The following RIC8B variants were observed in gnomAD, a reference collection of about 807,000 sequenced individuals.
RIC8B encodes RIC8 guanine nucleotide exchange factor B.
RIC8B carries 16 observed loss-of-function variants against 57.5 expected under a neutral mutation model. The ratio of observed to expected loss-of-function variants is 0.28; its 90% CI spans 0.19 to 0.42. RIC8B has a LOEUF of 0.42. Ranked by LOEUF, RIC8B falls within the 10% of genes least tolerant of loss-of-function variation. The pLI, the probability that RIC8B is intolerant of heterozygous loss-of-function variation, is 1.00. For missense variants in RIC8B, 481 were observed against 677.0 expected (o/e 0.71, Z 3.21); for synonymous variants, 216 against 250.8 (o/e 0.86, Z 1.31).
At chr12:106,783,603 A>G (rs1048816772) in intron 1 of RIC8B, among the ~76,000 whole-genome samples, 2 of 152,192 alleles carry the variant, frequency 1.3e-5, no homozygotes, top group Admixed American at 6.5e-5. Context: ...CAGTCTCACA[A>G]AGTTGCTTAT....
chr12:106,841,890 A>G (rs1040197353), intron 4 of RIC8B, among the ~76,000 whole-genome samples: 2 of 152,164 alleles, frequency 1.3e-5, no homozygotes, highest in African/African-American at 2.4e-5. Context: ...CCAAAAATAT[A>G]AGGTTTGGGT....
intron 2 of RIC8B, among the ~76,000 whole-genome samples, chr12:106,789,336 C>G (rs1331041592): frequency 6.6e-6 from 1 of 152,160 alleles, no homozygotes; most frequent in Non-Finnish European, 1.5e-5. Context: ...CCAAACTGTT[C>G]CAACCTCTGC....
intron 2 of RIC8B, among the ~76,000 whole-genome samples, chr12:106,812,505 T>C (rs550187767): frequency 2.9e-4 from 44 of 152,068 alleles, no homozygotes; most frequent in Middle Eastern, 3.4e-3. Flanking sequence ...AAGAAAGATA[T>C]TTGTGTGCTT....
intron 2 of RIC8B, among the ~76,000 whole-genome samples, chr12:106,811,522 TCTA>T (rs1231327772): frequency 2.6e-5 from 4 of 152,224 alleles, no homozygotes; most frequent in Admixed American, 6.5e-5. Context: ...TAGAGTCCAC[TCTA>T]GGATTTCAGT....
intron 9 of RIC8B, among the ~76,000 whole-genome samples, chr12:106,872,683 AAAAC>A (rs983534678): frequency 3.3e-5 from 5 of 151,940 alleles, no homozygotes; most frequent in South Asian, 4.2e-4. Flanking sequence ...AAAAAAAAAA[AAAAC>A]AAACCCGACA....
At chr12:106,775,637 G>T (rs943975330) in intron 1 of RIC8B, among the ~76,000 whole-genome samples, 2 of 152,196 alleles carry the variant, frequency 1.3e-5, no homozygotes, top group Non-Finnish European at 2.9e-5. Context: ...ACAACTCTGC[G>T]TAAAAGAGTA....
In RIC8B at chr12:106,814,777, A is replaced by G. The variant is rs758995247; in HGVS notation, c.214A>G (p.Ile72Val). The change falls in exon 3 of 10, where the codon ATT (isoleucine) becomes GTT (valine). Residue 72 changes from isoleucine to valine, a missense_variant. Around this residue, in one of 3 missense-constraint regions of RIC8B, gnomAD observed 421 missense variants for 560.9 expected, o/e 0.75. Coordinates refer to ENST00000392837, the MANE Select transcript of RIC8B (RefSeq NM_001330145.2). ...AGTGTCCTGCCTGGAAGTACTCCGC[A>G]TTCTCTCCAGAGACAAAAAGGTTTT... ...CQVSCLEVLR[I>V]LSRDKKVLVP... is the part of the protein sequence containing the mutation. The G allele has an allele frequency of 3.1e-6, 5 of 1,614,068 alleles. No homozygotes were observed. The highest frequency in any genetic ancestry group is 4.5e-5 in the East Asian group (2 of 44,900).
chr12:106,823,264 A>C, intron 3 of RIC8B: 1 of 272,818 alleles, frequency 3.7e-6, no homozygotes, highest in South Asian at 3.9e-5. Flanking sequence ...CGGAGAAGAT[A>C]CTTTAGCTGA....
In RIC8B at chr12:106,879,260, G is replaced by T; in HGVS notation, c.1572-6644G>T. 2 of 985,644 alleles carry T rather than the reference G, an allele frequency of 2.0e-6. No homozygotes were observed. Among genetic ancestry groups the T allele is most frequent in the African/African-American group, 3.5e-5 (2 of 57,320 alleles). The allele number at this position is 985,644 out of a possible 1,614,324, so 61.1% of individuals were successfully genotyped here. Reference sequence around the variant, plus strand: ...TTGTTTGTATTGCACAAAAACATGTGCTGTGGGCAAGAGTATTCTCTTGCT... The same window carrying T: ...TTGTTTGTATTGCACAAAAACATGTTCTGTGGGCAAGAGTATTCTCTTGCT... On this transcript the variant is annotated intron_variant, in intron 9 of 9. Coordinates refer to ENST00000392837, the MANE Select transcript of RIC8B (RefSeq NM_001330145.2). This position sits in a 1 kb window ranked among gnomAD's most constrained non-coding sequence, Gnocchi z 4.9.
At chr12:106,869,968 T>C (rs1220426622) in intron 8 of RIC8B, among the ~76,000 whole-genome samples, 1 of 151,962 alleles carries the variant, frequency 6.6e-6, no homozygotes, top group African/African-American at 2.4e-5. Flanking sequence ...AAAAACAGTA[T>C]GTACTTGGCT....
chr12:106,795,693 G>T (rs1185692389), intron 2 of RIC8B, among the ~76,000 whole-genome samples: 1 of 152,106 alleles, frequency 6.6e-6, no homozygotes, highest in African/African-American at 2.4e-5. Flanking sequence ...CACAACTGCT[G>T]GCATGTATGT....
intron 4 of RIC8B, among the ~76,000 whole-genome samples, chr12:106,836,738 CTAAGT>C (rs765848421): frequency 1.3e-5 from 2 of 152,190 alleles, no homozygotes; most frequent in African/African-American, 2.4e-5. Flanking sequence ...CCTTTTTAAC[CTAAGT>C]TAAGAGGATC....
intron 2 of RIC8B, 87 bp downstream of exon 2, chr12:106,784,131 A>G: frequency 8.4e-7 from 1 of 1,197,094 alleles, no homozygotes; most frequent in Non-Finnish European, 1.2e-6. Flanking sequence ...TTTTCATCTG[A>G]TGGTTATTGA....
chr12:106,847,946 C>A (rs942362212), intron 6 of RIC8B, among the ~76,000 whole-genome samples: 3 of 152,148 alleles, frequency 2.0e-5, no homozygotes, highest in African/African-American at 7.2e-5. Context: ...ATCTCTGCCC[C>A]AGTGGAACTT....
intron 6 of RIC8B, among the ~76,000 whole-genome samples, chr12:106,849,321 T>TTATTTATC (rs1949354841): frequency 7.5e-6 from 1 of 133,982 alleles, no homozygotes; most frequent in Non-Finnish European, 1.6e-5. Flanking sequence ...ATTTATTTAT[T>TTATTTATC]TATCTATTTT....
In RIC8B at chr12:106,875,857, T is replaced by C. The variant is rs183169902; in HGVS notation, c.1571+4915T>C. 3.9e-5 allele frequency among the ~76,000 whole-genome samples: 6 copies of C among 152,268 alleles called. No individual in the cohort carries two copies. In the East Asian group the frequency reaches 7.7e-4, roughly 20 times the overall value. On this transcript the variant is annotated intron_variant, in intron 9 of 9. Transcript: ENST00000392837. ...TTATAATAAATGCAGGCACCAGATA[T>C]AGGATTAGTTCCCTTTAATCAAAAG...
chr12:106,862,628 T>C (rs73383106), intron 8 of RIC8B, among the ~76,000 whole-genome samples: 1,939 of 152,266 alleles, frequency 0.013, 33 homozygotes, highest in African/African-American at 0.044. Context: ...GATCTCAGTC[T>C]GCTTTTCTTG....
At chr12:106,803,215 C>CAAAAAAAAAAAAAAAAAAAAAA (rs55853235) in intron 2 of RIC8B, among the ~76,000 whole-genome samples, 3 of 84,000 alleles carry the variant, frequency 3.6e-5, no homozygotes, top group African/African-American at 1.5e-4. Context: ...TACCCTGTCT[C>CAAAAAAAAAAAAAAAAAAAAAA]AAAAAAAAAA....
At chr12:106,824,617 T>C (rs1325828774) in intron 3 of RIC8B, among the ~76,000 whole-genome samples, 2 of 152,022 alleles carry the variant, frequency 1.3e-5, no homozygotes, top group African/African-American at 4.8e-5. Flanking sequence ...AAGTTTTGGC[T>C]GGGTGCAGTG....
Sources: allele counts gnomAD v4.1 joint callset (sites outside exome capture counted in the v4.1 genomes callset), GRCh38; gene constraint gnomAD v4.1.1; regional missense constraint gnomAD v4.1.1; non-coding constraint Gnocchi (gnomAD v3.1); transcripts MANE v1.5; gene names NCBI Gene and HGNC (gene_info 2026-07-23, HGNC 2026-07-21).